Variants in ATCAY observed in about 807,000 individuals in gnomAD.
ATCAY encodes caytaxin.
In ATCAY, 22 loss-of-function variants were observed where a neutral mutation model predicts 47.7. The observed-to-expected ratio is 0.46, with a 90% confidence interval of 0.33 to 0.66. The LOEUF is 0.66. Among genes scored for constraint, ATCAY ranks in the 30% least tolerant of loss-of-function variants. The pLI is 0.02. For synonymous variants in ATCAY, 216 were observed against 207.6 expected, an observed-to-expected ratio of 1.04 and a Z score of -0.35; for missense variants, 452 against 515.0, an observed-to-expected ratio of 0.88 and a Z score of 1.18.
intron 12 of ATCAY, 62 bp downstream of exon 12, chr19:3,920,860 A>T: frequency 1.3e-6 from 2 of 1,584,976 alleles, no homozygotes; most frequent in Non-Finnish European, 1.7e-6. Context: ...GACCTGTATT[A>T]GTCAGGGTTC....
At chr19:3,914,690 G>A (rs1412689027) in intron 9 of ATCAY, among the ~76,000 whole-genome samples, 1 of 152,064 alleles carries the variant, frequency 6.6e-6, no homozygotes, top group African/African-American at 2.4e-5. Context: ...GTGTGGTGGT[G>A]CATGCCTGTA....
At chr19:3,915,585 T>C (rs1391831993) in intron 9 of ATCAY, among the ~76,000 whole-genome samples, 4 of 137,910 alleles carry the variant, frequency 2.9e-5, no homozygotes, top group Admixed American at 7.3e-5. Flanking sequence ...GGAGTCTTGC[T>C]CTGTTGCCCA....
chr19:3,881,941 A>G (rs1040160229), intron 1 of ATCAY, among the ~76,000 whole-genome samples: 2 of 133,652 alleles, frequency 1.5e-5, no homozygotes, highest in African/African-American at 5.9e-5. Flanking sequence ...CCCTCCTCCA[A>G]GCATGAATGA....
chr19:3,894,324 A>G (rs2038745580), intron 2 of ATCAY, among the ~76,000 whole-genome samples: 3 of 151,886 alleles, frequency 2.0e-5, no homozygotes, highest in South Asian at 2.1e-4. Context: ...CTCTACTAAA[A>G]ATACAAAAAA....
intron 3 of ATCAY, among the ~76,000 whole-genome samples, chr19:3,903,826 C>T (rs1264899156): frequency 6.6e-6 from 1 of 150,958 alleles, no homozygotes; most frequent in Non-Finnish European, 1.5e-5. Context: ...CACCCGGCCG[C>T]CTGTCTCTAT....
At chr19:3,881,051 C>T (rs2038593831) in intron 1 of ATCAY, 43 bp downstream of exon 1, 3 of 152,156 alleles carry the variant, frequency 2.0e-5, no homozygotes, top group Non-Finnish European at 4.4e-5. Context: ...AAACCGTCTC[C>T]CTGGAAGGTT....
At chr19:3,885,983 C>G (rs1020469076) in intron 2 of ATCAY, 139 bp downstream of exon 2, 2 of 799,866 alleles carry the variant, frequency 2.5e-6, no homozygotes, top group African/African-American at 1.7e-5. Flanking sequence ...CCTCCTCTCC[C>G]GCACACTCTG....
chr19:3,890,247 A>ATTTTTT lies in ATCAY; in HGVS notation c.77+4430_77+4435dup, dbSNP rs764697276. ...GCCATTGGGCCCAGCTCCACCTATA[A>ATTTTTT]TTTTTTTTTTTTTTTTTTTTTTTTT... On this transcript the variant is annotated intron_variant, in intron 2 of 12. Coordinates refer to ENST00000450849, the MANE Select transcript of ATCAY (RefSeq NM_033064.5). Among the ~76,000 whole-genome samples, 38 of 38,572 alleles carry ATTTTTT rather than the reference A, an allele frequency of 9.9e-4. 5 individuals are homozygous for ATTTTTT. The highest frequency in any genetic ancestry group is 3.4e-3 in the African/African-American group (26 of 7,566). The allele number at this position is 38,572 out of a possible 152,430, so 25.3% of individuals were successfully genotyped here. A position where few individuals can be genotyped will look rare whatever the true frequency, so the allele number is the denominator to read the frequency against.
At chr19:3,917,836 C>A in intron 10 of ATCAY, 59 bp downstream of exon 10, 1 of 1,581,774 alleles carries the variant, frequency 6.3e-7, no homozygotes, top group Non-Finnish European at 8.6e-7. Flanking sequence ...CTGAGCTGAA[C>A]TCTCAGTTAG....
intron 1 of ATCAY, among the ~76,000 whole-genome samples, chr19:3,883,651 C>T (rs1350430460): frequency 2.0e-5 from 3 of 152,122 alleles, no homozygotes; most frequent in African/African-American, 7.2e-5. Flanking sequence ...TCAGTTGTGA[C>T]AAAAGTGCCT....
chr19:3,893,924 T>C (rs191528892), intron 2 of ATCAY, among the ~76,000 whole-genome samples: 10 of 151,634 alleles, frequency 6.6e-5, no homozygotes, highest in East Asian at 2.0e-4. Flanking sequence ...ACCCTGAGTC[T>C]GCTTTCTGAT....
At chr19:3,885,275 C>T (rs1379068526) in intron 1 of ATCAY, among the ~76,000 whole-genome samples, 3 of 151,748 alleles carry the variant, frequency 2.0e-5, no homozygotes, top group South Asian at 4.2e-4. Flanking sequence ...AAAAATTAGC[C>T]GGGTGTGATG....
chr19:3,916,167 G>A (rs952025743), intron 9 of ATCAY, among the ~76,000 whole-genome samples: 8 of 152,108 alleles, frequency 5.3e-5, no homozygotes, highest in African/African-American at 9.7e-5. Flanking sequence ...TGTGTCTGAC[G>A]TCTCTCACTG....
chr19:3,894,625 C>CA (rs56732320), intron 2 of ATCAY, among the ~76,000 whole-genome samples: 14,097 of 74,764 alleles, frequency 0.19, 1,303 homozygotes, highest in Non-Finnish European at 0.24. Flanking sequence ...CCTGTGTCTG[C>CA]AAAAAAAAAA....
chr19:3,890,387 C>T (rs1379902136), intron 2 of ATCAY, among the ~76,000 whole-genome samples: 13 of 150,188 alleles, frequency 8.7e-5, no homozygotes, highest in Admixed American at 6.0e-4. Flanking sequence ...CTCAGCCTCC[C>T]GAGTAGCTGG....
rs777180319 is a variant in ATCAY at position 3,907,420 on chromosome 19, C to T, written c.359-314C>T. 7.2e-5 allele frequency among the ~76,000 whole-genome samples: 11 copies of T among 152,260 alleles called. 1 individual carries two copies. The highest frequency in any genetic ancestry group is 6.8e-3 in the Middle Eastern group (2 of 294). ...CAAGCATGCATGCCCCGAGTATCCTCGTGGTTTGATGAAGCAGATGCATTC... is the reference window on the plus strand; with the variant it reads ...CAAGCATGCATGCCCCGAGTATCCTTGTGGTTTGATGAAGCAGATGCATTC... On this transcript the variant is annotated intron_variant, in intron 4 of 12. Transcript: ENST00000450849. The surrounding 1 kb of genome is among the most constrained non-coding windows in gnomAD (Gnocchi z 5.1).
intron 2 of ATCAY, among the ~76,000 whole-genome samples, chr19:3,892,746 A>G (rs1253856654): frequency 6.6e-6 from 1 of 152,040 alleles, no homozygotes. Context: ...CGTCTCTACT[A>G]AAAATACAAA....
intron 1 of ATCAY, among the ~76,000 whole-genome samples, chr19:3,882,691 T>G (rs148204226): frequency 4.2e-4 from 64 of 152,166 alleles, no homozygotes; most frequent in Non-Finnish European, 7.5e-4. Flanking sequence ...TTGCTCAGGC[T>G]GGAATGTGGT....
chr19:3,909,679 A>C, intron 7 of ATCAY, 62 bp downstream of exon 7: 2 of 1,540,358 alleles, frequency 1.3e-6, no homozygotes, highest in Non-Finnish European at 1.7e-6. Flanking sequence ...GGGGCTGGAC[A>C]TGGTGGCTCA....
Sources: allele counts gnomAD v4.1 joint callset (sites outside exome capture counted in the v4.1 genomes callset), GRCh38; gene constraint gnomAD v4.1.1; non-coding constraint Gnocchi (gnomAD v3.1); transcripts MANE v1.5; gene names NCBI Gene and HGNC (gene_info 2026-07-23, HGNC 2026-07-21).